Variants in GPRIN3 observed in about 807,000 individuals in gnomAD.
GPRIN3 encodes G protein-regulated inducer of neurite outgrowth 3.
In GPRIN3, 12 loss-of-function variants were observed where a neutral mutation model predicts 13.7. The ratio of observed to expected loss-of-function variants is 0.87; its 90% confidence interval spans 0.56 to 1.42. The LOEUF (loss-of-function observed/expected upper bound fraction) is 1.42. GPRIN3 is among the 40% of genes most tolerant of loss of function. GPRIN3 has a pLI of 0.00. For missense variants in GPRIN3, 1,009 were observed against 958.7 expected (o/e 1.05, Z -0.69); for synonymous variants, 377 against 372.7 (o/e 1.01, Z -0.13).
At chr4:89,269,048 G>T (rs1723856708) in intron 1 of GPRIN3, among the ~76,000 whole-genome samples, 1 of 152,162 alleles carries the variant, frequency 6.6e-6, no homozygotes, top group Non-Finnish European at 1.5e-5. Flanking sequence ...TGGCTATGAA[G>T]GTTCATGACA....
chr4:89,259,758 T>C (rs1723575334), intron 1 of GPRIN3, among the ~76,000 whole-genome samples: 1 of 152,220 alleles, frequency 6.6e-6, no homozygotes, highest in Non-Finnish European at 1.5e-5. Context: ...CTCCACTTGC[T>C]TGCCTTTTGG....
At chr4:89,289,570 T>G (rs1724515961) in intron 1 of GPRIN3, among the ~76,000 whole-genome samples, 1 of 152,154 alleles carries the variant, frequency 6.6e-6, no homozygotes, top group African/African-American at 2.4e-5. Context: ...TTTCTTATAA[T>G]TTCCATACTA....
intron 1 of GPRIN3, among the ~76,000 whole-genome samples, chr4:89,283,627 G>A (rs188260498): frequency 2.0e-5 from 3 of 152,304 alleles, no homozygotes; most frequent in East Asian, 1.9e-4. Context: ...GGCATAGGGT[G>A]TTATGAGTGC....
At chr4:89,271,024 C>T (rs549162305) in intron 1 of GPRIN3, among the ~76,000 whole-genome samples, 1 of 152,134 alleles carries the variant, frequency 6.6e-6, no homozygotes, top group African/African-American at 2.4e-5. Context: ...ATGTGTCAGA[C>T]TATGGGAAGT....
chr4:89,277,890 G>A (rs1450647506), intron 1 of GPRIN3, among the ~76,000 whole-genome samples: 1 of 152,066 alleles, frequency 6.6e-6, no homozygotes, highest in Non-Finnish European at 1.5e-5. Context: ...GTTTTCTTCC[G>A]TCTTTCTGCC....
Position 89,247,691 on chromosome 4 carries a change from C to G in GPRIN3, c.*89G>C. ...TGAATACTTGCTTTTTCTTCCTAGTCTTGCAGCAAAAAACTAAGCAAGCTT... is the reference window on the plus strand; with the variant it reads ...TGAATACTTGCTTTTTCTTCCTAGTGTTGCAGCAAAAAACTAAGCAAGCTT... On this transcript the variant is annotated 3_prime_UTR_variant, in exon 2 of 2. Coordinates refer to ENST00000609438, the MANE Select transcript of GPRIN3 (RefSeq NM_198281.3). 7.4e-7 allele frequency: 1 copy of G among 1,346,012 alleles called. No homozygotes were observed. The allele number at this position is 1,346,012 out of a possible 1,614,324, so 83.4% of individuals were successfully genotyped here.
intron 1 of GPRIN3, among the ~76,000 whole-genome samples, chr4:89,261,431 G>A (rs531477208): frequency 2.2e-4 from 33 of 152,158 alleles, no homozygotes; most frequent in Non-Finnish European, 3.7e-4. Context: ...TAGAATGAAT[G>A]CCTGTGAGTT....
At chr4:89,294,818 C>T (rs1724688917) in intron 1 of GPRIN3, among the ~76,000 whole-genome samples, 1 of 152,194 alleles carries the variant, frequency 6.6e-6, no homozygotes, top group South Asian at 2.1e-4. Flanking sequence ...GCTCCATTGA[C>T]ATCACATAAA....
chr4:89,269,837 G>A (rs1723879596), intron 1 of GPRIN3, among the ~76,000 whole-genome samples: 1 of 152,158 alleles, frequency 6.6e-6, no homozygotes. Flanking sequence ...TTTGTGGAAA[G>A]ACTGGAATAT....
In GPRIN3 at chr4:89,275,417, ACTCAATGCTGGATTGAGTTAG is replaced by A. The variant is rs1194569457; in HGVS notation, c.-123-25205_-123-25185del. On this transcript the variant is annotated intron_variant, in intron 1 of 1. Coordinates refer to ENST00000609438, the MANE Select transcript of GPRIN3 (RefSeq NM_198281.3). Reference sequence around the variant, plus strand: ...AGTACCCTGTCGAGAGCCAGCAGCCACTCAATGCTGGATTGAGTTAGCACATTCCTTGACCTTAGGTTATGT... The same window carrying A: ...AGTACCCTGTCGAGAGCCAGCAGCCACACATTCCTTGACCTTAGGTTATGT... Among the ~76,000 whole-genome samples the A allele has an allele frequency of 2.0e-5, 3 of 152,282 alleles. No homozygotes were observed. The East Asian group carries it at 5.8e-4, about 29-fold the overall frequency.
chr4:89,285,440 G>A (rs1384494113), intron 1 of GPRIN3, among the ~76,000 whole-genome samples: 4 of 152,000 alleles, frequency 2.6e-5, no homozygotes, highest in Non-Finnish European at 5.9e-5. Flanking sequence ...GGCCAGCCTC[G>A]CATCAATTAA....
intron 1 of GPRIN3, among the ~76,000 whole-genome samples, chr4:89,256,654 A>T (rs910625167): frequency 6.6e-6 from 1 of 152,186 alleles, no homozygotes; most frequent in African/African-American, 2.4e-5. Context: ...CTGCACTGCT[A>T]GAACAAGGGC....
chr4:89,256,571 C>T (rs961212839), intron 1 of GPRIN3, among the ~76,000 whole-genome samples: 1 of 152,136 alleles, frequency 6.6e-6, no homozygotes, highest in Non-Finnish European at 1.5e-5. Context: ...CCTGGACCGA[C>T]AGGAGGCTGA....
chr4:89,251,005 A>C lies in GPRIN3; in HGVS notation c.-123-772T>G, dbSNP rs998912579. 2.6e-5 allele frequency: 4 copies of C among 152,298 alleles called. No homozygotes were observed. The East Asian group carries it at 7.7e-4, about 29-fold the overall frequency. 9.4% of individuals were successfully genotyped at this position (152,298 alleles called of 1,614,324 possible). A position where few individuals can be genotyped will look rare whatever the true frequency, so the allele number is the denominator to read the frequency against. ...AAATTCAAAACCTGAATTTTATGGC[A>C]TGACAAAAGATGCTATAAAAAATAC... is the stretch of plus-strand genomic sequence containing the variant. On this transcript the variant is annotated intron_variant, in intron 1 of 1. Coordinates refer to ENST00000609438, the MANE Select transcript of GPRIN3 (RefSeq NM_198281.3).
At chr4:89,256,032 C>T (rs1419085903) in intron 1 of GPRIN3, among the ~76,000 whole-genome samples, 1 of 152,076 alleles carries the variant, frequency 6.6e-6, no homozygotes. Context: ...AAACATTATC[C>T]ACCTTTTACA....
chr4:89,304,031 A>G (rs1000509169), intron 1 of GPRIN3, among the ~76,000 whole-genome samples: 4 of 152,128 alleles, frequency 2.6e-5, no homozygotes, highest in African/African-American at 9.7e-5. Flanking sequence ...CCTTCTATAG[A>G]CATGAAATCA....
chr4:89,272,821 C>T (rs1278833653), intron 1 of GPRIN3, among the ~76,000 whole-genome samples: 1 of 152,286 alleles, frequency 6.6e-6, no homozygotes, highest in Non-Finnish European at 1.5e-5. Flanking sequence ...CTATTCAATT[C>T]TATTCCATTT....
Position 89,239,695 on chromosome 4 carries a change from C to G in GPRIN3, c.*8085G>C, listed in dbSNP as rs1442830149. The G allele has an allele frequency of 2.0e-5, 3 of 152,166 alleles. No homozygotes were observed. Among genetic ancestry groups the G allele is most frequent in the Non-Finnish European group, 4.4e-5 (3 of 68,028 alleles). The allele number at this position is 152,166 out of a possible 1,614,324, so 9.4% of individuals were successfully genotyped here. On this transcript the variant is annotated 3_prime_UTR_variant, in exon 2 of 2. Transcript: ENST00000609438. ...TCTTTTTTTTGAGACAGAGCCTTGC[C>G]CTGTCTCCCAGGCTGGAGTGCAATG...
Position 89,286,094 on chromosome 4 carries a change from T to A in GPRIN3, c.-124+21521A>T, listed in dbSNP as rs541892969. ...ATGTGTACGTGTATGTGTGTGTGTA[T>A]ATATATATATATATATATATGTAAA... On this transcript the variant is annotated intron_variant, in intron 1 of 1. Transcript: ENST00000609438. Among the ~76,000 whole-genome samples the A allele has an allele frequency of 2.7e-3, 210 of 78,926 alleles. 1 individual carries two copies. The highest frequency in any genetic ancestry group is 0.012 in the African/African-American group (200 of 17,370). 51.8% of individuals were successfully genotyped at this position (78,926 alleles called of 152,430 possible).
Sources: allele counts gnomAD v4.1 joint callset (sites outside exome capture counted in the v4.1 genomes callset), GRCh38; gene constraint gnomAD v4.1.1; transcripts MANE v1.5; gene names NCBI Gene and HGNC (gene_info 2026-07-23, HGNC 2026-07-21).